Variants in PREX2 observed in about 807,000 individuals in gnomAD.
The protein encoded by PREX2 is phosphatidylinositol-3,4,5-trisphosphate dependent Rac exchange factor 2, also known as phosphatidylinositol 3,4,5-trisphosphate-dependent Rac exchanger 2 protein.
A neutral mutation model predicts 203.2 loss-of-function variants in PREX2; 107 were observed. The ratio of observed to expected loss-of-function variants is 0.53; its 90% CI spans 0.45 to 0.62. The LOEUF (loss-of-function observed/expected upper bound fraction) is 0.62, where lower values mean the gene tolerates loss of function less well. PREX2 is among the 20% of genes least tolerant of loss of function. PREX2 has a pLI of 0.00. For missense variants in PREX2, 1,777 were observed against 1,955.9 expected (o/e 0.91, Z 1.72); for synonymous variants, 672 against 663.6 (o/e 1.01, Z -0.19).
chr8:68,194,438 C>T (rs1183782333), intron 37 of PREX2, among the ~76,000 whole-genome samples: 6 of 151,786 alleles, frequency 4.0e-5, no homozygotes, highest in Admixed American at 3.9e-4. Flanking sequence ...ATTTTAATGC[C>T]AACCTGAATC....
At chr8:68,145,957 T>C (rs571006465) in intron 33 of PREX2, among the ~76,000 whole-genome samples, 1 of 152,238 alleles carries the variant, frequency 6.6e-6, no homozygotes, top group South Asian at 2.1e-4. Context: ...ACATCTGATA[T>C]GTCAAAGTGT....
At chr8:68,216,973 A>C (rs866647281) in intron 37 of PREX2, among the ~76,000 whole-genome samples, 95 of 151,470 alleles carry the variant, frequency 6.3e-4, no homozygotes, top group African/African-American at 1.7e-3. Flanking sequence ...AAAAACAAAA[A>C]AAAAAAAAAA....
At chr8:68,165,390 GGT>G (rs1471599120) in intron 35 of PREX2, among the ~76,000 whole-genome samples, 1 of 152,038 alleles carries the variant, frequency 6.6e-6, no homozygotes, top group Non-Finnish European at 1.5e-5. Flanking sequence ...TTCATTGGGT[GGT>G]GTTTTTATTC....
rs1812866044 is a variant in PREX2 at position 68,217,497 on chromosome 8, A to G, written c.4605-119A>G. ...TTTTATGTAGAAAAATCAGCGGTTC[A>G]TTGTCTAGCTGCTTTTATTTTGGCT... is the stretch of plus-strand genomic sequence containing the variant. On this transcript the variant is annotated intron_variant, in intron 37 of 39. Coordinates refer to ENST00000288368, the MANE Select transcript of PREX2 (RefSeq NM_024870.4). 8.8e-6 allele frequency: 6 copies of G among 678,924 alleles called. No individual in the cohort carries two copies. The South Asian group carries it at 9.1e-5, about 10-fold the overall frequency. The allele number at this position is 678,924 out of a possible 1,614,324, so 42.1% of individuals were successfully genotyped here. A position where few individuals can be genotyped will look rare whatever the true frequency, so the allele number is the denominator to read the frequency against.
rs532427058 is a variant in PREX2 at position 67,964,979 on chromosome 8, G to A, written c.141+12444G>A. Among the ~76,000 whole-genome samples, 17 of 152,270 alleles carry A rather than the reference G, an allele frequency of 1.1e-4. No individual in the cohort carries two copies. In the South Asian group the frequency reaches 3.5e-3, roughly 32 times the overall value. On this transcript the variant is annotated intron_variant, in intron 1 of 39. Transcript: ENST00000288368. ...CTCTTCTGGATTGTGGGAATGGTGT[G>A]ATTAATCAGGACTAGGAAAACCAAG...
intron 7 of PREX2, among the ~76,000 whole-genome samples, chr8:68,043,726 C>A (rs1360489478): frequency 6.6e-6 from 1 of 151,918 alleles, no homozygotes; most frequent in Admixed American, 6.6e-5. Flanking sequence ...GAAAGAAAAA[C>A]ATTGAAAAAA....
At chr8:67,981,508 T>C (rs1390876158) in intron 1 of PREX2, among the ~76,000 whole-genome samples, 4 of 152,118 alleles carry the variant, frequency 2.6e-5, no homozygotes, top group Non-Finnish European at 4.4e-5. Context: ...GGGAGGTAGG[T>C]TTAGCTCTGT....
At chr8:68,176,905 A>T (rs1024296666) in intron 35 of PREX2, 31 of 152,178 alleles carry the variant, frequency 2.0e-4, no homozygotes, top group African/African-American at 7.2e-4. Context: ...GTTCCTGAGA[A>T]TAATGTAGAT....
intron 35 of PREX2, among the ~76,000 whole-genome samples, chr8:68,173,019 TAACC>T (rs1395959171): frequency 1.3e-5 from 2 of 152,198 alleles, no homozygotes; most frequent in African/African-American, 4.8e-5. Flanking sequence ...TAAAACCTAA[TAACC>T]TCTTTGATTT....
chr8:68,013,717 C>G (rs1039649723), intron 1 of PREX2, among the ~76,000 whole-genome samples: 1 of 151,924 alleles, frequency 6.6e-6, no homozygotes, highest in African/African-American at 2.4e-5. Context: ...AGTCTTTTTT[C>G]CTGCAACAGT....
At chr8:68,191,112 G>A (rs374626948) in intron 35 of PREX2, among the ~76,000 whole-genome samples, 1 of 152,116 alleles carries the variant, frequency 6.6e-6, no homozygotes, top group African/African-American at 2.4e-5. Flanking sequence ...CACTTTGTGT[G>A]TTGAAATAGT....
chr8:68,091,786 A>G (rs1202463721), intron 20 of PREX2, among the ~76,000 whole-genome samples: 1 of 152,200 alleles, frequency 6.6e-6, no homozygotes, highest in African/African-American at 2.4e-5. Flanking sequence ...AGAGAAATCG[A>G]TTTGAGTTTC....
intron 37 of PREX2, among the ~76,000 whole-genome samples, chr8:68,212,591 C>T (rs1220020325): frequency 6.6e-6 from 1 of 152,162 alleles, no homozygotes; most frequent in East Asian, 1.9e-4. Flanking sequence ...ATAAAATCCA[C>T]AAAACAATAA....
At chr8:68,017,694 C>G (rs978031194) in intron 1 of PREX2, 152 bp from the exon 2 acceptor site, 2 of 614,800 alleles carry the variant, frequency 3.3e-6, no homozygotes, top group Non-Finnish European at 5.8e-6. Flanking sequence ...CAGCAATGCA[C>G]AAGGGTTTCT....
At chr8:67,989,637 C>G (rs913656338) in intron 1 of PREX2, among the ~76,000 whole-genome samples, 4 of 152,142 alleles carry the variant, frequency 2.6e-5, no homozygotes, top group Admixed American at 6.5e-5. Context: ...AAGTTTATGA[C>G]TTTACCTTAG....
chr8:68,028,563 T>A (rs1807796591), intron 5 of PREX2, among the ~76,000 whole-genome samples: 1 of 152,028 alleles, frequency 6.6e-6, no homozygotes, highest in Non-Finnish European at 1.5e-5. Context: ...TGTTCCTTAT[T>A]AAAGAAATAA....
intron 35 of PREX2, 47 bp from the exon 36 acceptor site, chr8:68,191,675 G>A (rs770014336): frequency 4.4e-6 from 6 of 1,350,746 alleles, no homozygotes; most frequent in Non-Finnish European, 1.1e-6. Flanking sequence ...TGCATATTAT[G>A]TCTTTTCCTA....
intron 1 of PREX2, among the ~76,000 whole-genome samples, chr8:67,974,741 T>C (rs1806023862): frequency 6.6e-6 from 1 of 152,218 alleles, no homozygotes; most frequent in South Asian, 2.1e-4. Flanking sequence ...TGAATAGTTA[T>C]GATGATCCTC....
intron 1 of PREX2, among the ~76,000 whole-genome samples, chr8:67,980,143 C>T (rs1045950858): frequency 2.4e-4 from 37 of 152,174 alleles, no homozygotes; most frequent in African/African-American, 8.4e-4. Context: ...AGGCACAGAG[C>T]TGAGAAAGGT....
Sources: gnomAD v4.1 joint callset for allele counts (sites outside exome capture counted in the v4.1 genomes callset) on GRCh38, gnomAD v4.1.1 for gene constraint, MANE v1.5 for transcripts, NCBI Gene and HGNC (gene_info 2026-07-23, HGNC 2026-07-21) for gene names.